Variants in ZNF469 observed in about 807,000 individuals in gnomAD.
ZNF469 encodes the protein zinc finger protein 469.
A neutral mutation model predicts 1.0 loss-of-function variants in ZNF469; 1 was observed. The observed-to-expected ratio is 1.00, with a 90% CI of 0.35 to 4.73. ZNF469 has a LOEUF of 4.73. Among genes scored for constraint, ZNF469 ranks in the 30% most tolerant of loss-of-function variants. The pLI, the probability that ZNF469 is intolerant of heterozygous loss-of-function variation, is 0.16. For missense variants in ZNF469, 6,100 were observed against 5,356.3 expected, an observed-to-expected ratio of 1.14 and a Z score of -4.33; for synonymous variants, 2,703 against 2,363.4, an observed-to-expected ratio of 1.14 and a Z score of -4.17.
At chr16:88,166,570 C>A in the ZNF469 span, among the ~76,000 whole-genome samples, 200 of 152,256 alleles carry the variant, frequency 1.3e-3, 2 homozygotes, top group East Asian at 4.3e-3. The surrounding 1 kb of genome is among the most constrained non-coding windows in gnomAD (Gnocchi z 4.5). Context: ...GTCCCTCCTG[C>A]ACCCCTTGAG....
At chr16:88,353,235 C>T in the ZNF469 span, among the ~76,000 whole-genome samples, 65 of 152,194 alleles carry the variant, frequency 4.3e-4, no homozygotes, top group African/African-American at 4.6e-4. Context: ...TCACTCGAGA[C>T]GTCACAATAC....
At chr16:88,408,576 C>T (rs1211472036) in intron 1 of ZNF469, among the ~76,000 whole-genome samples, 1 of 151,846 alleles carries the variant, frequency 6.6e-6, no homozygotes, top group Non-Finnish European at 1.5e-5. Context: ...GCGGGGTCAG[C>T]ACGAGGCTCA....
chr16:88,373,904 G>A, the ZNF469 span, among the ~76,000 whole-genome samples: 6 of 152,110 alleles, frequency 3.9e-5, no homozygotes, highest in African/African-American at 1.4e-4. Context: ...GGCTGAGGCA[G>A]GATAATCGCT....
At chr16:88,103,638 C>T in the ZNF469 span, among the ~76,000 whole-genome samples, 2 of 152,186 alleles carry the variant, frequency 1.3e-5, no homozygotes, top group Admixed American at 6.5e-5. Context: ...CTTCTCACCC[C>T]ACGGGAGCCC....
At chr16:88,324,997 C>CTTCAGCCAGTGGG in the ZNF469 span, among the ~76,000 whole-genome samples, 1 of 152,110 alleles carries the variant, frequency 6.6e-6, no homozygotes, top group Non-Finnish European at 1.5e-5. Flanking sequence ...AAGGGGGATC[C>CTTCAGCCAGTGGG]AGCACTTCAG....
At position 88,435,723 on chromosome 16, in the gene ZNF469, G is replaced by A. The variant is rs549975755; in HGVS notation, c.8253G>A (p.Ser2751=). ...GEQPTGQKGA[S]ARGFWGPRET... ...AGCCAACTGGGCAGAAGGGAGCCTC[G>A]GCAAGGGGGTTCTGGGGACCAAGAG... The change falls in exon 3 of 3, where the codon TCG becomes TCA. Residue 2751 remains serine, a synonymous_variant. Transcript: ENST00000565624. 38 of 1,550,838 alleles carry A rather than the reference G, an allele frequency of 2.5e-5. No homozygotes were observed. The highest frequency in any genetic ancestry group is 5.5e-5 in the African/African-American group (4 of 73,188).
At chr16:88,167,775 C>T in the ZNF469 span, among the ~76,000 whole-genome samples, 9 of 152,232 alleles carry the variant, frequency 5.9e-5, no homozygotes, top group East Asian at 1.9e-4. Context: ...AGCCCCCTCC[C>T]CTGGTTGCCG....
the ZNF469 span, among the ~76,000 whole-genome samples, chr16:88,335,074 C>T: frequency 6.6e-6 from 1 of 152,228 alleles, no homozygotes; most frequent in Admixed American, 6.5e-5. Context: ...CAGGGAGGAC[C>T]CACCAGAGCC....
At chr16:88,319,009 A>T in the ZNF469 span, among the ~76,000 whole-genome samples, 1 of 152,162 alleles carries the variant, frequency 6.6e-6, no homozygotes, top group Non-Finnish European at 1.5e-5. Context: ...GGGGCACCCC[A>T]GGGCTTTCCT....
At chr16:88,303,335 G>C in the ZNF469 span, among the ~76,000 whole-genome samples, 1 of 152,182 alleles carries the variant, frequency 6.6e-6, no homozygotes, top group African/African-American at 2.4e-5. Context: ...CCGTTGGCTG[G>C]GGACGTGGAC....
chr16:88,157,935 T>A, the ZNF469 span, among the ~76,000 whole-genome samples: 125 of 152,122 alleles, frequency 8.2e-4, no homozygotes, highest in African/African-American at 2.9e-3. Flanking sequence ...CATCCTCTCC[T>A]GTCCTGGAGA....
the ZNF469 span, among the ~76,000 whole-genome samples, chr16:88,318,936 A>G: frequency 6.6e-6 from 1 of 152,250 alleles, no homozygotes; most frequent in East Asian, 1.9e-4. Context: ...TATGACACCC[A>G]GAGATAAACT....
At chr16:88,395,361 A>G (rs1904629140) in intron 1 of ZNF469, among the ~76,000 whole-genome samples, 1 of 150,500 alleles carries the variant, frequency 6.6e-6, no homozygotes, top group Non-Finnish European at 1.5e-5. Context: ...GGATGGATGG[A>G]TGGGTGGATG....
At chr16:88,213,244 G>T in the ZNF469 span, among the ~76,000 whole-genome samples, 5 of 152,064 alleles carry the variant, frequency 3.3e-5, no homozygotes, top group South Asian at 1.0e-3. Flanking sequence ...GACTACAGGC[G>T]CCCGCCACCA....
At chr16:88,218,830 C>A in the ZNF469 span, among the ~76,000 whole-genome samples, 5 of 150,874 alleles carry the variant, frequency 3.3e-5, no homozygotes, top group African/African-American at 7.4e-5. Context: ...GTCAAATTGT[C>A]CCTGTTTGCA....
chr16:88,112,913 G>A, the ZNF469 span, among the ~76,000 whole-genome samples: 1 of 151,738 alleles, frequency 6.6e-6, no homozygotes, highest in Non-Finnish European at 1.5e-5. Flanking sequence ...CAGTAGCTGG[G>A]ACTACAGGTG....
chr16:88,235,409 G>A, the ZNF469 span, among the ~76,000 whole-genome samples: 1 of 152,238 alleles, frequency 6.6e-6, no homozygotes, highest in African/African-American at 2.4e-5. Flanking sequence ...GCGCGGAACT[G>A]GGAGTGCCGT....
the ZNF469 span, among the ~76,000 whole-genome samples, chr16:88,342,100 G>C: frequency 6.6e-6 from 1 of 150,886 alleles, no homozygotes; most frequent in Non-Finnish European, 1.5e-5. Context: ...GACGAAGAAG[G>C]CCGGTGGGAG....
At chr16:88,132,237 G>A in the ZNF469 span, among the ~76,000 whole-genome samples, 1,272 of 152,268 alleles carry the variant, frequency 8.4e-3, 14 homozygotes, top group African/African-American at 0.029. Flanking sequence ...GGCCTCCGAC[G>A]CCCGCCTTCC....
Sources: allele counts gnomAD v4.1 joint callset (sites outside exome capture counted in the v4.1 genomes callset), GRCh38; gene constraint gnomAD v4.1.1; non-coding constraint Gnocchi (gnomAD v3.1); transcripts MANE v1.5; gene names NCBI Gene and HGNC (gene_info 2026-07-23, HGNC 2026-07-21).